The following ATP8A2 variants were observed in gnomAD, a reference collection of about 807,000 sequenced individuals.
ATP8A2 encodes the protein ATPase phospholipid transporting 8A2, also known as phospholipid-transporting ATPase IB.
In ATP8A2, 100 loss-of-function variants were observed where a neutral mutation model predicts 165.6. The observed-to-expected ratio is 0.60, with a 90% CI of 0.51 to 0.71. The LOEUF (loss-of-function observed/expected upper bound fraction) is 0.71, where lower values mean the gene tolerates loss of function less well. Ranked by LOEUF, ATP8A2 falls within the 30% of genes least tolerant of loss-of-function variation. ATP8A2 has a pLI of 0.00. For missense variants in ATP8A2, 1,227 were observed against 1,479.5 expected (o/e 0.83, Z 2.80); for synonymous variants, 543 against 548.8 (o/e 0.99, Z 0.15).
chr13:25,781,357 A>T (rs558001336), intron 27 of ATP8A2, among the ~76,000 whole-genome samples: 1 of 152,290 alleles, frequency 6.6e-6, no homozygotes, highest in Non-Finnish European at 1.5e-5. Flanking sequence ...TTGATTTTTT[A>T]AAATTGTTTT....
At chr13:25,934,493 C>A (rs1019477980) in intron 33 of ATP8A2, among the ~76,000 whole-genome samples, 1 of 152,226 alleles carries the variant, frequency 6.6e-6, no homozygotes, top group African/African-American at 2.4e-5. Context: ...CTCCGGTCAG[C>A]AGTGTGACCT....
At position 25,771,414 on chromosome 13, in the gene ATP8A2, T is replaced by C. The variant is rs531648597; in HGVS notation, c.2568+2185T>C. Among the ~76,000 whole-genome samples, 10 of 152,338 alleles carry C rather than the reference T, an allele frequency of 6.6e-5. No homozygotes were observed. The East Asian group carries it at 1.9e-3, about 29-fold the overall frequency. On this transcript the variant is annotated intron_variant, in intron 26 of 36. Transcript: ENST00000381655. ...CCCCAGCATTATTAAATACTTGAGTTATAACATCATATGGCTGGAAGGGAT... is the reference window on the plus strand; with the variant it reads ...CCCCAGCATTATTAAATACTTGAGTCATAACATCATATGGCTGGAAGGGAT...
At chr13:25,451,852 G>GTTTTTTTT (rs67427237) in intron 1 of ATP8A2, among the ~76,000 whole-genome samples, 2 of 146,800 alleles carry the variant, frequency 1.4e-5, no homozygotes, top group Non-Finnish European at 1.5e-5. Flanking sequence ...TACCTTCATG[G>GTTTTTTTT]TTTTTTTTTT....
chr13:25,571,005 C>A, intron 17 of ATP8A2, 133 bp downstream of exon 17: 1 of 622,768 alleles, frequency 1.6e-6, no homozygotes, highest in Non-Finnish European at 2.7e-6. Flanking sequence ...ACCCTGTGGC[C>A]AGGCTGTGGC....
chr13:25,585,562 C>A (rs1330304001), intron 23 of ATP8A2, among the ~76,000 whole-genome samples: 1 of 152,052 alleles, frequency 6.6e-6, no homozygotes, highest in Non-Finnish European at 1.5e-5. Context: ...ACTTTTAAAA[C>A]CATTTCTTAT....
chr13:25,433,195 G>A lies in ATP8A2; in HGVS notation c.77-35782G>A, dbSNP rs182052408. The stretch of plus-strand genomic sequence containing the variant: ...GATGAGTAGGGGATGGGAAAGGAGA[G>A]AAGGAAGTGTTATGGACTATCTCTG... On this transcript the variant is annotated intron_variant, in intron 1 of 36. Transcript: ENST00000381655. Among the ~76,000 whole-genome samples the A allele has an allele frequency of 4.6e-5, 7 of 152,314 alleles. No homozygotes were observed. In the East Asian group the frequency reaches 1.3e-3, roughly 29 times the overall value.
At chr13:25,863,192 C>T (rs1181754067) in intron 33 of ATP8A2, 1 of 152,420 alleles carries the variant, frequency 6.6e-6, no homozygotes, top group African/African-American at 2.4e-5. Flanking sequence ...GCTGCTGGGC[C>T]CTGTACTTTA....
intron 33 of ATP8A2, among the ~76,000 whole-genome samples, chr13:25,871,457 T>G (rs544255001): frequency 1.3e-5 from 2 of 152,108 alleles, no homozygotes; most frequent in East Asian, 3.9e-4. Context: ...TTTATCCAAT[T>G]TAAAAGGTAT....
chr13:25,634,183 TC>T (rs1415629297), intron 24 of ATP8A2, among the ~76,000 whole-genome samples: 1 of 152,074 alleles, frequency 6.6e-6, no homozygotes, highest in Non-Finnish European at 1.5e-5. Context: ...AGTCTCTACT[TC>T]CGGTTAACAG....
At chr13:26,002,272 T>C (rs1956642251) in intron 35 of ATP8A2, among the ~76,000 whole-genome samples, 1 of 152,112 alleles carries the variant, frequency 6.6e-6, no homozygotes, top group Non-Finnish European at 1.5e-5. Flanking sequence ...CATAGCAACA[T>C]GGATGAAGCT....
rs1593558130 is a variant in ATP8A2, at chr13:25,571,920, A to G, written c.1662+228A>G. On this transcript the variant is annotated intron_variant, in intron 18 of 36. Coordinates refer to ENST00000381655, the MANE Select transcript of ATP8A2 (RefSeq NM_016529.6). ...TTTTCCACATGTCTTTCATACACTG[A>G]TGTGAAATTATTTGTAGCAAAGAAC... 1.7e-5 allele frequency: 9 copies of G among 533,622 alleles called. No individual in the cohort carries two copies. In the East Asian group the frequency reaches 2.6e-4, roughly 15 times the overall value. 33.1% of individuals were successfully genotyped at this position (533,622 alleles called of 1,614,324 possible).
chr13:25,456,627 G>A (rs1425010791), intron 1 of ATP8A2, among the ~76,000 whole-genome samples: 1 of 152,206 alleles, frequency 6.6e-6, no homozygotes. Context: ...GCAGAGAACC[G>A]TCGGAGAGGA....
chr13:25,930,972 A>G (rs1954756591), intron 33 of ATP8A2, among the ~76,000 whole-genome samples: 1 of 152,128 alleles, frequency 6.6e-6, no homozygotes, highest in South Asian at 2.1e-4. Flanking sequence ...TGAAAACTGC[A>G]CCCACTTTGA....
chr13:25,771,119 AT>A (rs1461343357), intron 26 of ATP8A2, among the ~76,000 whole-genome samples: 13 of 152,228 alleles, frequency 8.5e-5, no homozygotes, highest in African/African-American at 3.1e-4. Flanking sequence ...TCCTTTGCTG[AT>A]TTCAAATAAA....
At chr13:25,961,797 A>G (rs1955666484) in intron 34 of ATP8A2, 134 bp downstream of exon 34, 2 of 662,390 alleles carry the variant, frequency 3.0e-6, no homozygotes, top group Admixed American at 6.0e-5. Flanking sequence ...ACCTGCCAGA[A>G]ATGAAAAAAA....
chr13:25,703,411 G>C (rs1236634436), intron 25 of ATP8A2, among the ~76,000 whole-genome samples: 2 of 152,134 alleles, frequency 1.3e-5, no homozygotes, highest in Non-Finnish European at 2.9e-5. Context: ...TCCTCAAAAA[G>C]CTAAATCTGG....
chr13:25,863,895 T>C (rs946671499), intron 33 of ATP8A2, among the ~76,000 whole-genome samples: 1 of 152,264 alleles, frequency 6.6e-6, no homozygotes, highest in South Asian at 2.1e-4. Context: ...TTTTTCCAAA[T>C]CCAGACAGTA....
chr13:25,734,900 A>G (rs2043733492), intron 25 of ATP8A2, among the ~76,000 whole-genome samples: 1 of 152,124 alleles, frequency 6.6e-6, no homozygotes, highest in African/African-American at 2.4e-5. Context: ...CGGCCTCCCA[A>G]AGTGCTGGGA....
intron 2 of ATP8A2, among the ~76,000 whole-genome samples, chr13:25,495,239 G>A (rs757943671): frequency 5.0e-4 from 76 of 152,274 alleles, no homozygotes; most frequent in Admixed American, 2.4e-3. Context: ...AGGCCAGAGT[G>A]TGCCATTGCC....
Sources: allele counts gnomAD v4.1 joint callset (sites outside exome capture counted in the v4.1 genomes callset), GRCh38; gene constraint gnomAD v4.1.1; transcripts MANE v1.5; gene names NCBI Gene and HGNC (gene_info 2026-07-23, HGNC 2026-07-21).